Variants in PIEZO2 observed in about 807,000 individuals in gnomAD.
PIEZO2 encodes the protein piezo type mechanosensitive ion channel component 2.
In PIEZO2, 172 loss-of-function variants were observed where a neutral mutation model predicts 337.3. The ratio of observed to expected loss-of-function variants is 0.51; its 90% CI spans 0.45 to 0.58. PIEZO2 has a LOEUF of 0.58. Among genes scored for constraint, PIEZO2 ranks in the 20% least tolerant of loss-of-function variants. PIEZO2 has a pLI of 0.00. For missense variants in PIEZO2, 3,028 were observed against 3,391.3 expected (o/e 0.89, Z 2.66); for synonymous variants, 1,251 against 1,228.5 (o/e 1.02, Z -0.38).
At chr18:11,040,584 C>T (rs1391218965) in intron 2 of PIEZO2, among the ~76,000 whole-genome samples, 1 of 152,174 alleles carries the variant, frequency 6.6e-6, no homozygotes, top group African/African-American at 2.4e-5. Context: ...AGGATTGTAT[C>T]ATTCATATAG....
At chr18:10,732,040 G>A (rs2036809078) in intron 35 of PIEZO2, among the ~76,000 whole-genome samples, 1 of 151,876 alleles carries the variant, frequency 6.6e-6, no homozygotes, top group African/African-American at 2.4e-5. Flanking sequence ...TACTTTGCGA[G>A]GAAAAAAAAT....
chr18:10,731,935 T>G (rs557475461), intron 35 of PIEZO2, among the ~76,000 whole-genome samples: 1 of 152,334 alleles, frequency 6.6e-6, no homozygotes, highest in African/African-American at 2.4e-5. Context: ...GTAGTCTTAT[T>G]TACTTTGGGA....
At chr18:10,788,435 G>GAAGT in intron 15 of PIEZO2, among the ~76,000 whole-genome samples, 1 of 102,596 alleles carries the variant, frequency 9.7e-6, no homozygotes, top group Non-Finnish European at 1.9e-5. Flanking sequence ...AGAAAGGAAG[G>GAAGT]AAGGAAGGAA....
chr18:10,938,844 T>C (rs2032549340), intron 3 of PIEZO2, among the ~76,000 whole-genome samples: 1 of 152,172 alleles, frequency 6.6e-6, no homozygotes, highest in Non-Finnish European at 1.5e-5. Context: ...CCCAGCACTT[T>C]GGGAGGCTGA....
chr18:10,792,629 A>G (rs1489924187), intron 13 of PIEZO2, among the ~76,000 whole-genome samples: 1 of 152,206 alleles, frequency 6.6e-6, no homozygotes, highest in Non-Finnish European at 1.5e-5. Flanking sequence ...TAAACACCCA[A>G]TAATACTCCA....
chr18:11,008,795 T>G (rs1174877742), intron 2 of PIEZO2, among the ~76,000 whole-genome samples: 1 of 152,176 alleles, frequency 6.6e-6, no homozygotes, highest in Non-Finnish European at 1.5e-5. Context: ...CCCTCAAGTT[T>G]CAGAGGGGGT....
At chr18:10,864,617 A>T (rs2041959445) in intron 5 of PIEZO2, among the ~76,000 whole-genome samples, 1 of 152,238 alleles carries the variant, frequency 6.6e-6, no homozygotes. Context: ...ATACTGAATA[A>T]ATAAACATGC....
chr18:10,728,704 C>A (rs999907010), intron 36 of PIEZO2, among the ~76,000 whole-genome samples: 4 of 151,844 alleles, frequency 2.6e-5, no homozygotes, highest in African/African-American at 4.8e-5. Context: ...GCCTGTAATC[C>A]CAGCACTTTG....
intron 7 of PIEZO2, among the ~76,000 whole-genome samples, chr18:10,845,215 A>AT (rs1555658888): frequency 6.6e-5 from 8 of 121,104 alleles, no homozygotes; most frequent in Middle Eastern, 4.4e-3. Context: ...TATATATATA[A>AT]ACACACACAC....
At chr18:11,141,681 G>T (rs1442493238) in intron 1 of PIEZO2, among the ~76,000 whole-genome samples, 1 of 152,190 alleles carries the variant, frequency 6.6e-6, no homozygotes, top group Non-Finnish European at 1.5e-5. Context: ...TTGTTCACTT[G>T]ACCTAGAACT....
intron 3 of PIEZO2, among the ~76,000 whole-genome samples, chr18:10,941,060 T>C (rs1048284277): frequency 1.3e-5 from 2 of 152,144 alleles, no homozygotes; most frequent in African/African-American, 2.4e-5. Context: ...AAAATATCAA[T>C]TGTCTCAAAA....
chr18:10,726,544 A>C lies in PIEZO2; in HGVS notation c.5029+4863T>G. The C allele has an allele frequency of 7.0e-7, 1 of 1,423,260 alleles. No individual in the cohort carries two copies. Among genetic ancestry groups the C allele is most frequent in the Non-Finnish European group, 9.3e-7 (1 of 1,075,296 alleles). The allele number at this position is 1,423,260 out of a possible 1,614,324, so 88.2% of individuals were successfully genotyped here. On this transcript the variant is annotated intron_variant, in intron 36 of 55. Coordinates refer to ENST00000674853, the MANE Select transcript of PIEZO2 (RefSeq NM_001378183.1). The surrounding 1 kb of genome is among the most constrained non-coding windows in gnomAD (Gnocchi z 5.9). ...GCGCTGCGCTGCTCTGCTCTGCTAC[A>C]CCAGCCGCCACGCTGTGCGTCTGTC...
intron 3 of PIEZO2, among the ~76,000 whole-genome samples, chr18:10,976,828 T>A (rs1041637371): frequency 2.0e-5 from 3 of 152,104 alleles, no homozygotes; most frequent in African/African-American, 7.2e-5. Context: ...AAGGAAGGCC[T>A]GGAAAGAGGC....
chr18:10,963,495 G>C (rs773677828), intron 3 of PIEZO2, among the ~76,000 whole-genome samples: 1 of 152,080 alleles, frequency 6.6e-6, no homozygotes, highest in Non-Finnish European at 1.5e-5. Flanking sequence ...TTTAAAAAAT[G>C]GTTTTCCACA....
chr18:11,120,175 T>G (rs1373629875), intron 1 of PIEZO2, among the ~76,000 whole-genome samples: 1 of 152,208 alleles, frequency 6.6e-6, no homozygotes, highest in Non-Finnish European at 1.5e-5. Context: ...CAGAATTTGT[T>G]ATGTAATACT....
In PIEZO2 at chr18:10,861,322, A is replaced by G. The variant is rs936292210; in HGVS notation, c.493-4111T>C. 1.1e-4 allele frequency among the ~76,000 whole-genome samples: 16 copies of G among 152,258 alleles called. No homozygotes were observed. Among genetic ancestry groups the G allele is most frequent in the Non-Finnish European group, 1.5e-4 (10 of 68,034 alleles). On this transcript the variant is annotated intron_variant, in intron 5 of 55. Coordinates refer to ENST00000674853, the MANE Select transcript of PIEZO2 (RefSeq NM_001378183.1). This position sits in a 1 kb window ranked among gnomAD's most constrained non-coding sequence, Gnocchi z 4.3. ...GACAAAATAAACTCTTTACAGTTTA[A>G]AAAGTCAAATAAATGATTATACAGA...
In PIEZO2 at chr18:11,003,440, A is replaced by T. The variant is rs2035615412; in HGVS notation, c.161-23780T>A. 6.6e-6 allele frequency among the ~76,000 whole-genome samples: 1 copy of T among 152,266 alleles called. No homozygotes were observed. The highest frequency in any genetic ancestry group is 2.4e-5 in the African/African-American group (1 of 41,470). On this transcript the variant is annotated intron_variant, in intron 2 of 55. Transcript: ENST00000674853. This position sits in a 1 kb window ranked among gnomAD's most constrained non-coding sequence, Gnocchi z 4.6. The stretch of plus-strand genomic sequence containing the variant: ...TTCCTAAGGCATATTTCTGGTCACA[A>T]AAACATCACCAAACTTCTAAATAAG...
intron 1 of PIEZO2, among the ~76,000 whole-genome samples, chr18:11,142,374 T>C (rs2040678217): frequency 6.6e-6 from 1 of 152,226 alleles, no homozygotes; most frequent in African/African-American, 2.4e-5. Flanking sequence ...TTTCACGATG[T>C]TGAGTATGTA....
chr18:10,724,854 C>T lies in PIEZO2; in HGVS notation c.5029+6553G>A, dbSNP rs1295731192. The T allele has an allele frequency of 2.1e-5, 33 of 1,606,066 alleles. No individual in the cohort carries two copies. Among genetic ancestry groups the T allele is most frequent in the Non-Finnish European group, 2.6e-5 (31 of 1,176,332 alleles). ...TGGGCCACGGCGGCCACATGCGTCG[C>T]AGTGAGAGCACCTACTCTGTAAATA... On this transcript the variant is annotated intron_variant, in intron 36 of 55. Coordinates refer to ENST00000674853, the MANE Select transcript of PIEZO2 (RefSeq NM_001378183.1). The surrounding 1 kb of genome is among the most constrained non-coding windows in gnomAD (Gnocchi z 5.8).
Sources: allele counts gnomAD v4.1 joint callset (sites outside exome capture counted in the v4.1 genomes callset), GRCh38; gene constraint gnomAD v4.1.1; non-coding constraint Gnocchi (gnomAD v3.1); transcripts MANE v1.5; gene names NCBI Gene and HGNC (gene_info 2026-07-23, HGNC 2026-07-21).